ZNF333: variants seen among roughly 807,000 people sequenced by gnomAD.
ZNF333 encodes the protein zinc finger protein 333.
A neutral mutation model predicts 76.1 loss-of-function variants in ZNF333; 61 were observed. The observed-to-expected ratio is 0.80, with a 90% confidence interval of 0.65 to 0.99. The LOEUF (loss-of-function observed/expected upper bound fraction) is 0.99, where lower values mean the gene tolerates loss of function less well. ZNF333 is among the 50% of genes least tolerant of loss of function. The pLI is 0.00. For missense variants in ZNF333, 717 were observed against 822.4 expected, an observed-to-expected ratio of 0.87 and a Z score of 1.57; for synonymous variants, 284 against 305.0, an observed-to-expected ratio of 0.93 and a Z score of 0.72.
At chr19:14,689,965 G>A (rs1972614792), upstream of ZNF333, 2 of 152,356 alleles carry the variant, frequency 1.3e-5, no homozygotes, top group South Asian at 4.1e-4. Flanking sequence ...GAAGACGTTA[G>A]TTTCTCTGCC....
chr19:14,699,197 A>G lies in ZNF333; in HGVS notation c.224-2A>G, dbSNP rs777834183. The G allele has an allele frequency of 1.1e-5, 18 of 1,612,522 alleles. No individual in the cohort carries two copies. The highest frequency in any genetic ancestry group is 5.9e-6 in the Non-Finnish European group (7 of 1,178,854). On this transcript the variant is annotated splice_acceptor_variant, in intron 4 of 11. Coordinates refer to ENST00000292530, the MANE Select transcript of ZNF333 (RefSeq NM_032433.4). LOFTEE classifies it high-confidence loss of function. The stretch of plus-strand genomic sequence containing the variant: ...GTTCATTTTTTCTCCCATTCATTTC[A>G]GCCTGGGAATCTCAACTTAAACCCG...
At position 14,705,049 on chromosome 19, in the gene ZNF333, G is replaced by C. The variant is rs761686147; in HGVS notation, c.307-5G>C. On this transcript the variant is annotated splice_polypyrimidine_tract_variant and splice_region_variant and intron_variant, in intron 5 of 11. Coordinates refer to ENST00000292530, the MANE Select transcript of ZNF333 (RefSeq NM_032433.4). ...CCTGCTCAGCACCCTCTTGTCTTTT[G>C]CCAGGGGCCGGGGCTGTTCCTGAGG... 3 of 1,613,314 alleles carry C rather than the reference G, an allele frequency of 1.9e-6. No homozygotes were observed. Among genetic ancestry groups the C allele is most frequent in the Non-Finnish European group, 1.7e-6 (2 of 1,179,518 alleles).
At chr19:14,731,064 C>T (rs1189203291) in intron 11 of ZNF333, 1 of 882,664 alleles carries the variant, frequency 1.1e-6, no homozygotes, top group South Asian at 1.4e-5. Flanking sequence ...ACATGCTGCC[C>T]TGGTCTCAAG....
intron 3 of ZNF333, 101 bp from the exon 4 acceptor site, chr19:14,695,465 C>A: frequency 8.9e-7 from 1 of 1,127,564 alleles, no homozygotes; most frequent in Non-Finnish European, 1.3e-6. Context: ...GAATCTGAAG[C>A]CCATATTGAA....
chr19:14,709,511 C>G (rs1292280383), intron 7 of ZNF333, among the ~76,000 whole-genome samples: 2 of 152,200 alleles, frequency 1.3e-5, no homozygotes, highest in Non-Finnish European at 2.9e-5. Context: ...TAAAATGTCT[C>G]TAGATGCTGC....
At chr19:14,731,091 C>A in intron 11 of ZNF333, 1 of 1,249,574 alleles carries the variant, frequency 8.0e-7, no homozygotes, top group Non-Finnish European at 1.1e-6. Context: ...CCCTCCTGCC[C>A]CCTCCCCCCA....
At chr19:14,733,442 A>G (rs1368212042) in exon 12 of ZNF333, 1 of 152,236 alleles carries the variant, frequency 6.6e-6, no homozygotes, top group African/African-American at 2.4e-5. Flanking sequence ...AATGGGCCCC[A>G]GTAAAACAGT....
chr19:14,693,630 AT>A, intron 2 of ZNF333, 136 bp downstream of exon 2: 8 of 1,099,430 alleles, frequency 7.3e-6, no homozygotes, highest in Non-Finnish European at 1.0e-5. Context: ...GAGCATCCTC[AT>A]CCCTGCCCTA....
downstream of ZNF333, among the ~76,000 whole-genome samples, chr19:14,723,504 G>A (rs1599763404): frequency 6.6e-6 from 1 of 152,166 alleles, no homozygotes; most frequent in Admixed American, 6.6e-5. Context: ...ATGTCTATTT[G>A]TGTCTCTTTT....
At position 14,721,532 on chromosome 19, in the gene ZNF333, C is replaced by G. The variant is rs900869936; in HGVS notation, c.*2207C>G. The stretch of plus-strand genomic sequence containing the variant: ...TCATGTAAATGGAACCATAAACAGC[C>G]CTCTTGTGTCTGTTTTCTTCACTTA... On this transcript the variant is annotated 3_prime_UTR_variant, in exon 12 of 12. Transcript: ENST00000292530. 2.6e-5 allele frequency: 4 copies of G among 151,986 alleles called. No individual in the cohort carries two copies. The highest frequency in any genetic ancestry group is 9.7e-5 in the African/African-American group (4 of 41,376). 9.4% of individuals were successfully genotyped at this position (151,986 alleles called of 1,614,324 possible). A position where few individuals can be genotyped will look rare whatever the true frequency, so the allele number is the denominator to read the frequency against.
intron 7 of ZNF333, among the ~76,000 whole-genome samples, chr19:14,709,690 A>C (rs1025687402): frequency 6.6e-6 from 1 of 152,238 alleles, no homozygotes; most frequent in African/African-American, 2.4e-5. Context: ...AGGAAGAGAC[A>C]CCAGAGCTCT....
chr19:14,701,694 C>T (rs2041962887), intron 5 of ZNF333: 1 of 985,362 alleles, frequency 1.0e-6, no homozygotes, highest in Non-Finnish European at 1.2e-6. Flanking sequence ...CCAGTGCCCT[C>T]CACAGAACTC....
chr19:14,722,104 A>G (rs2042596654), downstream of ZNF333, among the ~76,000 whole-genome samples: 1 of 152,222 alleles, frequency 6.6e-6, no homozygotes, highest in African/African-American at 2.4e-5. Flanking sequence ...ACTGTCACGC[A>G]AATTAATTTG....
chr19:14,706,103 T>C, intron 6 of ZNF333: 1 of 457,520 alleles, frequency 2.2e-6, no homozygotes, highest in Non-Finnish European at 4.4e-6. Flanking sequence ...GCCTCTCCTG[T>C]CCCTGCTGCT....
At chr19:14,725,339 G>T (rs562355439), downstream of ZNF333, among the ~76,000 whole-genome samples, 13 of 152,186 alleles carry the variant, frequency 8.5e-5, no homozygotes, top group South Asian at 2.1e-3. Context: ...CAAGAGATTT[G>T]GAGGAGACAA....
At chr19:14,722,789 C>T (rs1374812781), downstream of ZNF333, among the ~76,000 whole-genome samples, 4 of 151,964 alleles carry the variant, frequency 2.6e-5, no homozygotes, top group Admixed American at 1.3e-4. Context: ...TTTGTTTGTT[C>T]GTTTTTGTGT....
chr19:14,693,119 G>T (rs1972897172), intron 1 of ZNF333, among the ~76,000 whole-genome samples: 1 of 152,040 alleles, frequency 6.6e-6, no homozygotes, highest in Non-Finnish European at 1.5e-5. Flanking sequence ...CAAAAAAAAA[G>T]GTTTACATCA....
At chr19:14,723,661 T>C (rs1013721340), downstream of ZNF333, among the ~76,000 whole-genome samples, 1 of 152,242 alleles carries the variant, frequency 6.6e-6, no homozygotes, top group African/African-American at 2.4e-5. Flanking sequence ...TCATTGTTAG[T>C]GCATAGAAAT....
Position 14,719,285 on chromosome 19 carries a change from T to C in ZNF333, c.1958T>C (p.Leu653Ser), listed in dbSNP as rs1390129838. 6.2e-7 allele frequency: 1 copy of C among 1,614,040 alleles called. No individual in the cohort carries two copies. The highest frequency in any genetic ancestry group is 1.1e-5 in the South Asian group (1 of 91,070). The change falls in exon 12 of 12, where the codon TTA (leucine) becomes TCA (serine). Residue 653 changes from leucine (L) to serine (S), a missense_variant. Coordinates refer to ENST00000292530, the MANE Select transcript of ZNF333 (RefSeq NM_032433.4). Reference sequence around the variant, plus strand: ...ACCATTAGGAATGGCAGCCTGCCTTTATCCATGTCTCATCCATACTGTGGG... The same window carrying C: ...ACCATTAGGAATGGCAGCCTGCCTTCATCCATGTCTCATCCATACTGTGGG... The part of the protein sequence containing the change: ...RETIRNGSLP[L>S]SMSHPYCGPL...
Sources: gnomAD v4.1 joint callset for allele counts (sites outside exome capture counted in the v4.1 genomes callset) on GRCh38, gnomAD v4.1.1 for gene constraint, MANE v1.5 for transcripts, NCBI Gene and HGNC (gene_info 2026-07-23, HGNC 2026-07-21) for gene names.